CPT1B: variants seen among roughly 807,000 people sequenced by gnomAD.
CPT1B encodes the protein carnitine O-palmitoyltransferase 1, muscle isoform.
Under a neutral mutation model 92.7 loss-of-function variants are expected in CPT1B, and 57 were observed. The ratio of observed to expected loss-of-function variants is 0.62; its 90% confidence interval spans 0.50 to 0.77. The LOEUF (loss-of-function observed/expected upper bound fraction) is 0.77. Among genes scored for constraint, CPT1B ranks in the 30% least tolerant of loss-of-function variants. The pLI is 0.00. For synonymous variants in CPT1B, 398 were observed against 383.5 expected, an observed-to-expected ratio of 1.04 and a Z score of -0.44; for missense variants, 983 against 1,017.4, an observed-to-expected ratio of 0.97 and a Z score of 0.46.
chr22:50,571,815 G>T, intron 13 of CPT1B, 191 bp downstream of exon 13: 1 of 686,714 alleles, frequency 1.5e-6, no homozygotes, highest in African/African-American at 1.8e-5. Flanking sequence ...GGCCCCAGGG[G>T]CGGTGGGTGG....
intron 5 of CPT1B, 71 bp from the exon 6 acceptor site, chr22:50,576,406 C>G (rs2070438838): frequency 6.2e-7 from 1 of 1,608,078 alleles, no homozygotes; most frequent in African/African-American, 1.3e-5. Context: ...CTCTTCCCAC[C>G]TCTCCCTCCT....
intron 1 of CPT1B, 67 bp from the exon 2 acceptor site, chr22:50,578,001 G>A: frequency 8.4e-7 from 1 of 1,184,210 alleles, no homozygotes; most frequent in South Asian, 2.2e-5. Flanking sequence ...GCGCCGAGAC[G>A]CCCCCAGCCA....
In CPT1B at chr22:50,571,440, T is replaced by G; in HGVS notation, c.1675A>C (p.Ile559Leu). The G allele has an allele frequency of 1.2e-6, 2 of 1,613,862 alleles. No homozygotes were observed. Among genetic ancestry groups the G allele is most frequent in the East Asian group, 4.5e-5 (2 of 44,884 alleles). The change falls in exon 14 of 20, where the codon ATC (isoleucine) becomes CTC (leucine). Residue 559 changes from isoleucine (I) to leucine (L), a missense_variant. Ile to Leu is a conservative substitution (Grantham distance 5). Transcript: ENST00000312108. ...FQFLPFGKGL[I>L]KKCRTSPDAF... The stretch of plus-strand genomic sequence containing the variant: ...TCAGGGCTGGTCCGGCACTTCTTGA[T>G]GAGGCCTTTGCCAAAGGGCAGGAAC...
At position 50,576,303 on chromosome 22, in the gene CPT1B, A is replaced by G; in HGVS notation, c.594T>C (p.Asp198=). 3 of 1,614,004 alleles carry G rather than the reference A, an allele frequency of 1.9e-6. No individual in the cohort carries two copies. The highest frequency in any genetic ancestry group is 2.5e-6 in the Non-Finnish European group (3 of 1,180,016). ...YLESVRPLLD[D]EEYYRMELLA... is the part of the protein sequence containing the mutation. ...GCAACTCCATGCGGTAATATTCCTC[A>G]TCATCCAACAAGGGGCGCACAGACT... The change falls in exon 6 of 20, where the codon GAT becomes GAC. Residue 198 remains aspartate, a synonymous_variant. Coordinates refer to ENST00000312108, the MANE Select transcript of CPT1B (RefSeq NM_152246.3).
At chr22:50,572,766 G>A in intron 11 of CPT1B, 109 bp downstream of exon 11, 1 of 1,225,554 alleles carries the variant, frequency 8.2e-7, no homozygotes, top group Non-Finnish European at 1.2e-6. Flanking sequence ...TCACAGGTGT[G>A]TGCCACTGCA....
intron 3 of CPT1B, 119 bp from the exon 4 acceptor site, chr22:50,577,153 T>A: frequency 7.2e-7 from 1 of 1,382,040 alleles, no homozygotes; most frequent in Non-Finnish European, 1.0e-6. Context: ...CATGTCTGAC[T>A]GCATCAAATG....
At chr22:50,570,789 G>A in intron 16 of CPT1B, 102 bp downstream of exon 16, 1 of 1,491,084 alleles carries the variant, frequency 6.7e-7, no homozygotes, top group Non-Finnish European at 9.1e-7. Flanking sequence ...GAGCTTCAGG[G>A]GAGCAAGCCA....
rs2070346304 is a variant in CPT1B at position 50,574,572 on chromosome 22, A to G, written c.806T>C (p.Val269Ala). 3 of 1,613,964 alleles carry G rather than the reference A, an allele frequency of 1.9e-6. No homozygotes were observed. The Admixed American group carries it at 5.0e-5, about 27-fold the overall frequency. Residue 269 changes from valine (V) to alanine (A), a missense_variant, in exon 8 of 20, where the codon GTG becomes GCG. Transcript: ENST00000312108. Reference protein sequence around the residue: ...MDLVLIKNTDVQAARLGNIIH... With the variant: ...MDLVLIKNTDAQAARLGNIIH... ...GATGTTTCCCAGGCGGGCTGCCTGC[A>G]CGTCTGTATTCTTGATGAGCACAAG...
In CPT1B at chr22:50,571,496, A is replaced by G. The variant is rs1167178527; in HGVS notation, c.1619T>C (p.Leu540Ser). 6.2e-7 allele frequency: 1 copy of G among 1,613,548 alleles called. No individual in the cohort carries two copies. ...GCAGTACAACTCCACGTCGTCTGCC[A>G]ACGCCTTGGCCACCTGGTAGGAACT... ...IESSYQVAKA[L>S]ADDVELYCFQ... The change falls in exon 14 of 20, where the codon TTG becomes TCG. Residue 540 changes from leucine (L) to serine (S), a missense_variant. Leu to Ser is a moderately radical substitution (Grantham distance 145). Transcript: ENST00000312108.
intron 7 of CPT1B, 27 bp downstream of exon 7, chr22:50,576,008 C>T (rs768099608): frequency 1.1e-5 from 18 of 1,608,554 alleles, no homozygotes; most frequent in Admixed American, 3.3e-5. Context: ...TGAGCACGTG[C>T]GGGGACCTGG....
At chr22:50,569,503 A>G in intron 18 of CPT1B, 73 bp downstream of exon 18, 1 of 1,605,408 alleles carries the variant, frequency 6.2e-7, no homozygotes, top group Non-Finnish European at 8.5e-7. Context: ...CTCCCCAGCC[A>G]AAGACACCTG....
intron 17 of CPT1B, among the ~76,000 whole-genome samples, chr22:50,570,051 G>A (rs566126247): frequency 6.6e-6 from 1 of 152,336 alleles, no homozygotes; most frequent in South Asian, 2.1e-4. Flanking sequence ...CAGCCCCACA[G>A]TCATGCTTCA....
In CPT1B at chr22:50,577,859, G is replaced by C. The variant is rs1353188251; in HGVS notation, c.57C>G (p.Val19=). Reference sequence around the variant, plus strand: ...GGGCCTCCCGACTGAGCCGGAAGTCGACCCCGTCTGGGGTCACCGTGAACT... The same window carrying C: ...GGGCCTCCCGACTGAGCCGGAAGTCCACCCCGTCTGGGGTCACCGTGAACT... ...AFQFTVTPDG[V]DFRLSREALK... The change falls in exon 2 of 20, where the codon GTC becomes GTG. Residue 19 remains valine (V), a synonymous_variant. Coordinates refer to ENST00000312108, the MANE Select transcript of CPT1B (RefSeq NM_152246.3). The C allele has an allele frequency of 1.2e-6, 2 of 1,613,650 alleles. No individual in the cohort carries two copies. Among genetic ancestry groups the C allele is most frequent in the Non-Finnish European group, 1.7e-6 (2 of 1,179,916 alleles).
In CPT1B at chr22:50,569,339, C is replaced by T; in HGVS notation, c.2318G>A (p.Ter773=). 1 of 1,613,994 alleles carries T rather than the reference C, an allele frequency of 6.2e-7. No homozygotes were observed. Among genetic ancestry groups the T allele is most frequent in the Non-Finnish European group, 8.5e-7 (1 of 1,179,948 alleles). The change falls in exon 19 of 20, where the codon TGA becomes TAA. Residue 773 remains the stop codon, a stop_retained_variant. Coordinates refer to ENST00000312108, the MANE Select transcript of CPT1B (RefSeq NM_152246.3). The stretch of plus-strand genomic sequence containing the variant: ...GGGCAGCTGGCATTTCTCCAACCTT[C>T]AGCTGTAGGCCTTGGGAACTTGGAA... ...DLFQVPKAYS[*]
Position 50,572,198 on chromosome 22 carries a change from A to G in CPT1B, c.1458+5T>C, listed in dbSNP as rs1277666049. 12 of 1,612,846 alleles carry G rather than the reference A, an allele frequency of 7.4e-6. No homozygotes were observed. Among genetic ancestry groups the G allele is most frequent in the Non-Finnish European group, 1.0e-5 (12 of 1,179,056 alleles). ...CCCTGCAGGTTCCCTCTGCAAGGCT[A>G]TTACCTCCCAGAGGTGCCCAATGAT... On this transcript the variant is annotated splice_donor_5th_base_variant and intron_variant, in intron 12 of 19. Coordinates refer to ENST00000312108, the MANE Select transcript of CPT1B (RefSeq NM_152246.3).
intron 2 of CPT1B, 73 bp downstream of exon 2, chr22:50,577,701 AG>A: frequency 6.3e-7 from 1 of 1,578,704 alleles, no homozygotes; most frequent in Non-Finnish European, 8.6e-7. Context: ...GGAGGCAGTG[AG>A]GGACCCTAAC....
At chr22:50,572,355 G>A in intron 11 of CPT1B, 47 bp from the exon 12 acceptor site, 2 of 1,333,040 alleles carry the variant, frequency 1.5e-6, no homozygotes, top group Non-Finnish European at 2.2e-6. Flanking sequence ...GGAATGTCCA[G>A]AGGTGCCTGA....
Position 50,577,729 on chromosome 22 carries a change from G to A in CPT1B, c.141+46C>T, listed in dbSNP as rs114817935. The A allele has an allele frequency of 3.0e-3, 4,746 of 1,601,742 alleles. 127 individuals are homozygous for A. The African/African-American group carries it at 0.051, about 17-fold the overall frequency. On this transcript the variant is annotated intron_variant, in intron 2 of 19. Coordinates refer to ENST00000312108, the MANE Select transcript of CPT1B (RefSeq NM_152246.3). Reference sequence around the variant, plus strand: ...GACCCTAACAAAGCGCTTAACAGCTGACAGCCGGCCTCTGCCTACGCTCTG... The same window carrying A: ...GACCCTAACAAAGCGCTTAACAGCTAACAGCCGGCCTCTGCCTACGCTCTG...
chr22:50,574,857 C>T, intron 7 of CPT1B: 1 of 460,506 alleles, frequency 2.2e-6, no homozygotes, highest in South Asian at 2.4e-5. Flanking sequence ...GGCTGGAGTG[C>T]AGCGGAACAA....
Sources: allele counts gnomAD v4.1 joint callset (sites outside exome capture counted in the v4.1 genomes callset), GRCh38; gene constraint gnomAD v4.1.1; transcripts MANE v1.5; gene names NCBI Gene and HGNC (gene_info 2026-07-23, HGNC 2026-07-21).